Variants in ZMAT4 observed in about 807,000 individuals in gnomAD.
ZMAT4 encodes zinc finger matrin-type protein 4.
In ZMAT4, 17 loss-of-function variants were observed where a neutral mutation model predicts 28.7. The ratio of observed to expected loss-of-function variants is 0.59; its 90% CI spans 0.41 to 0.89. The LOEUF (loss-of-function observed/expected upper bound fraction) is 0.89, where lower values mean the gene tolerates loss of function less well. ZMAT4 is among the 40% of genes least tolerant of loss of function. The pLI, the probability that ZMAT4 is intolerant of heterozygous loss-of-function variation, is 0.00. For synonymous variants in ZMAT4, 117 were observed against 109.2 expected (o/e 1.07, Z -0.44); for missense variants, 240 against 283.8 (o/e 0.85, Z 1.11).
intron 4 of ZMAT4, among the ~76,000 whole-genome samples, chr8:40,695,313 GTT>G (rs933968638): frequency 1.2e-4 from 18 of 152,208 alleles, no homozygotes; most frequent in African/African-American, 4.3e-4. Flanking sequence ...CCAGGAGCCA[GTT>G]TAGCTTCCTA....
At chr8:40,752,503 A>T (rs182585317) in intron 3 of ZMAT4, among the ~76,000 whole-genome samples, 1 of 152,274 alleles carries the variant, frequency 6.6e-6, no homozygotes, top group Admixed American at 6.5e-5. Context: ...AACCTGGAGA[A>T]AGGGTTTTTC....
intron 1 of ZMAT4, among the ~76,000 whole-genome samples, chr8:40,895,143 C>T (rs923351345): frequency 1.7e-5 from 2 of 118,880 alleles, no homozygotes; most frequent in Admixed American, 9.1e-5. Context: ...CCCTTCCCAC[C>T]ATAGTGGTTA....
At chr8:40,812,102 G>A (rs1218684041) in intron 2 of ZMAT4, among the ~76,000 whole-genome samples, 1 of 152,184 alleles carries the variant, frequency 6.6e-6, no homozygotes, top group Non-Finnish European at 1.5e-5. Flanking sequence ...CTGCATTCCA[G>A]CCTGGGTGAC....
chr8:40,834,858 C>A (rs1478196662), intron 1 of ZMAT4, among the ~76,000 whole-genome samples: 6 of 152,176 alleles, frequency 3.9e-5, no homozygotes, highest in Admixed American at 3.9e-4. Flanking sequence ...CAGGTGGGGA[C>A]TAGCAGAGAC....
At chr8:40,538,127 A>G (rs892343242) in intron 6 of ZMAT4, among the ~76,000 whole-genome samples, 1 of 152,192 alleles carries the variant, frequency 6.6e-6, no homozygotes, top group African/African-American at 2.4e-5. Flanking sequence ...CATGAACATC[A>G]ATACAGACTT....
intron 1 of ZMAT4, among the ~76,000 whole-genome samples, chr8:40,857,575 AAG>A (rs1489061163): frequency 6.6e-6 from 1 of 152,210 alleles, no homozygotes; most frequent in East Asian, 1.9e-4. Context: ...CTGTAGGTGA[AAG>A]GAAAAAATGT....
intron 1 of ZMAT4, among the ~76,000 whole-genome samples, chr8:40,840,428 A>C (rs569447755): frequency 6.6e-6 from 1 of 152,074 alleles, no homozygotes; most frequent in South Asian, 2.1e-4. Context: ...CCCTCCACAG[A>C]TATCCCTCCC....
At position 40,722,653 on chromosome 8, in the gene ZMAT4, A is replaced by T. The variant is rs73611486; in HGVS notation, c.193-25252T>A. Among the ~76,000 whole-genome samples, 1,415 of 152,262 alleles carry T rather than the reference A, an allele frequency of 9.3e-3. 22 individuals carry two copies. The highest frequency in any genetic ancestry group is 0.032 in the African/African-American group (1,315 of 41,546). On this transcript the variant is annotated intron_variant, in intron 3 of 6. Transcript: ENST00000297737. ...TTCTTTGATGCATAAAAATAAAACT[A>T]TCTAATGAAATCCCAAAGGAAAAAG...
At chr8:40,610,700 G>A (rs533770064) in intron 5 of ZMAT4, among the ~76,000 whole-genome samples, 2 of 152,006 alleles carry the variant, frequency 1.3e-5, no homozygotes, top group South Asian at 2.1e-4. Context: ...GGCATTTGAT[G>A]TTTGTACATT....
chr8:40,775,279 A>C (rs1220595533), intron 2 of ZMAT4, among the ~76,000 whole-genome samples: 1 of 152,202 alleles, frequency 6.6e-6, no homozygotes, highest in African/African-American at 2.4e-5. Flanking sequence ...CGTTCCAAAA[A>C]TGAAATTGAA....
chr8:40,862,859 T>C (rs1817554206), intron 1 of ZMAT4, among the ~76,000 whole-genome samples: 1 of 151,074 alleles, frequency 6.6e-6, no homozygotes. Flanking sequence ...TTAGGAGATA[T>C]ACCTAATGTA....
chr8:40,674,580 T>C (rs1808825953), intron 5 of ZMAT4, 124 bp downstream of exon 5: 3 of 729,056 alleles, frequency 4.1e-6, no homozygotes, highest in Non-Finnish European at 2.3e-6. Context: ...TCCATTTCTT[T>C]TGGGTGAGCC....
At chr8:40,861,451 G>A (rs569267460) in intron 1 of ZMAT4, among the ~76,000 whole-genome samples, 3 of 152,276 alleles carry the variant, frequency 2.0e-5, no homozygotes, top group African/African-American at 7.2e-5. Flanking sequence ...TTAAATGTTA[G>A]ACCTAAAACC....
intron 2 of ZMAT4, among the ~76,000 whole-genome samples, chr8:40,795,108 T>C (rs1050258241): frequency 6.6e-6 from 1 of 152,176 alleles, no homozygotes; most frequent in Non-Finnish European, 1.5e-5. Context: ...CCTGGCATTA[T>C]GGTATAACTC....
At chr8:40,764,476 T>G (rs1332361154) in intron 3 of ZMAT4, among the ~76,000 whole-genome samples, 2 of 152,124 alleles carry the variant, frequency 1.3e-5, no homozygotes, top group African/African-American at 4.8e-5. Context: ...AAATTTCGAG[T>G]TCCTATGAAT....
At chr8:40,587,960 A>G (rs1054139383) in intron 5 of ZMAT4, among the ~76,000 whole-genome samples, 11 of 152,126 alleles carry the variant, frequency 7.2e-5, no homozygotes, top group African/African-American at 2.6e-4. Flanking sequence ...CTGTATTAAT[A>G]TTAGACAAAA....
chr8:40,763,093 G>A (rs1185629292), intron 3 of ZMAT4, among the ~76,000 whole-genome samples: 1 of 152,146 alleles, frequency 6.6e-6, no homozygotes, highest in Non-Finnish European at 1.5e-5. Flanking sequence ...CGTATCAGGA[G>A]AGGCCAGGGA....
chr8:40,600,507 T>C (rs530455921), intron 5 of ZMAT4, among the ~76,000 whole-genome samples: 2 of 152,326 alleles, frequency 1.3e-5, no homozygotes, highest in Admixed American at 1.3e-4. Flanking sequence ...CAACCTTCCC[T>C]TCACCACATG....
At chr8:40,649,058 A>C (rs926314250) in intron 5 of ZMAT4, among the ~76,000 whole-genome samples, 1 of 150,468 alleles carries the variant, frequency 6.6e-6, no homozygotes, top group Non-Finnish European at 1.5e-5. Flanking sequence ...TGACAGGATC[A>C]AATTCATATA....
Sources: allele counts gnomAD v4.1 joint callset (sites outside exome capture counted in the v4.1 genomes callset), GRCh38; gene constraint gnomAD v4.1.1; transcripts MANE v1.5; gene names NCBI Gene and HGNC (gene_info 2026-07-23, HGNC 2026-07-21).